The following METTL8 variants were observed in gnomAD, a reference collection of about 807,000 sequenced individuals.
METTL8 encodes the protein tRNA N(3)-cytidine methyltransferase METTL8, mitochondrial.
A neutral mutation model predicts 48.7 loss-of-function variants in METTL8; 32 were observed. That is an observed-to-expected ratio of 0.66 (90% CI 0.50 to 0.88). The LOEUF (loss-of-function observed/expected upper bound fraction) is 0.88. Among genes scored for constraint, METTL8 ranks in the 40% least tolerant of loss-of-function variants. The pLI, the probability that METTL8 is intolerant of heterozygous loss-of-function variation, is 0.00. For missense variants in METTL8, 464 were observed against 474.4 expected (o/e 0.98, Z 0.20); for synonymous variants, 136 against 157.1 (o/e 0.87, Z 1.01).
intron 1 of METTL8, among the ~76,000 whole-genome samples, chr2:171,422,024 A>C (rs1168511582): frequency 6.6e-6 from 1 of 152,230 alleles, no homozygotes; most frequent in African/African-American, 2.4e-5. Flanking sequence ...GGCAAAAAAG[A>C]AATAAGACAC....
upstream of METTL8, chr2:171,434,419 G>A (rs1311447088): frequency 5.4e-6 from 7 of 1,293,214 alleles, no homozygotes; most frequent in Non-Finnish European, 5.4e-6. Flanking sequence ...TCGCCCCGCC[G>A]TCGGGTGCTC....
In METTL8 at chr2:171,360,502, T is replaced by A. The variant is rs765214248; in HGVS notation, c.155A>T (p.Gln52Leu). The change falls in exon 3 of 10, where the codon CAG (glutamine) becomes CTG (leucine). Residue 52 changes from glutamine to leucine, a missense_variant. Physicochemically the swap from Gln to Leu is moderately radical, Grantham distance 113 (BLOSUM62 -2). Transcript: ENST00000375258. ...TGCTGCTTCTTCTTCCTTAGACCAC[T>A]GCATGTGATCCCTATTAAAAAAAAA... is the stretch of plus-strand genomic sequence containing the variant. ...VFEHNMWDHM[Q>L]WSKEEEAAAR... 2.5e-6 allele frequency: 4 copies of A among 1,613,376 alleles called. No individual in the cohort carries two copies. In the Admixed American group the frequency reaches 6.7e-5, roughly 27 times the overall value.
At chr2:171,425,542 C>T (rs1692318552) in intron 1 of METTL8, among the ~76,000 whole-genome samples, 1 of 152,200 alleles carries the variant, frequency 6.6e-6, no homozygotes, top group South Asian at 2.1e-4. Context: ...TGGGCAACGT[C>T]TCAGAGCTGA....
chr2:171,429,138 T>C (rs1692717780), intron 1 of METTL8, among the ~76,000 whole-genome samples: 1 of 152,018 alleles, frequency 6.6e-6, no homozygotes, highest in African/African-American at 2.4e-5. Flanking sequence ...AAAAAAAGAA[T>C]ATTAACAAAA....
rs928958406 is a variant in METTL8 at position 171,364,361 on chromosome 2, C to T, written c.144-3848G>A. Among the ~76,000 whole-genome samples the T allele has an allele frequency of 7.2e-5, 11 of 151,846 alleles. No homozygotes were observed. In the East Asian group the frequency reaches 7.7e-4, roughly 11 times the overall value. On this transcript the variant is annotated intron_variant, in intron 2 of 9. Coordinates refer to ENST00000375258, the MANE Select transcript of METTL8 (RefSeq NM_001321154.2). ...ACTTTACCCTTCTTGAGGAAAAAGC[C>T]ATCAACCCTTATAATAAGAAGGAAG...
At chr2:171,353,260 TC>T (rs1446761575) in intron 3 of METTL8, among the ~76,000 whole-genome samples, 2 of 152,246 alleles carry the variant, frequency 1.3e-5, no homozygotes, top group African/African-American at 4.8e-5. Flanking sequence ...TTGTGCAGTT[TC>T]CGTGTAGTTG....
chr2:171,326,070 A>T lies in METTL8; in HGVS notation c.939T>A (p.Tyr313Ter). 2 of 1,548,340 alleles carry T rather than the reference A, an allele frequency of 1.3e-6. No individual in the cohort carries two copies. The highest frequency in any genetic ancestry group is 1.7e-6 in the Non-Finnish European group (2 of 1,144,504). ...TTTTAAAACGAAGCTGAGTCTTATC[A>T]TATCTTCCATAGTCTCGAAATAACA... ...GMLLFRDYGR[Y>*]DKTQLRFKKG... The change falls in exon 8 of 10, where the codon TAT (tyrosine) becomes TAA (stop). Residue 313 changes from tyrosine to a stop codon, truncating the protein, a stop_gained. Coordinates refer to ENST00000375258, the MANE Select transcript of METTL8 (RefSeq NM_001321154.2). LOFTEE classifies it high-confidence loss of function.
intron 1 of METTL8, among the ~76,000 whole-genome samples, chr2:171,425,275 T>G (rs954177120): frequency 1.3e-5 from 2 of 152,166 alleles, no homozygotes; most frequent in Admixed American, 1.3e-4. Flanking sequence ...AATTCAGTAA[T>G]TAAGTACCTA....
At chr2:171,414,180 G>A (rs1691042493) in intron 1 of METTL8, among the ~76,000 whole-genome samples, 1 of 152,150 alleles carries the variant, frequency 6.6e-6, no homozygotes, top group Non-Finnish European at 1.5e-5. Flanking sequence ...CCCTTTGAGA[G>A]GCCAAGGTGG....
chr2:171,357,521 GAAATT>G (rs1451818115), intron 3 of METTL8, among the ~76,000 whole-genome samples: 1 of 152,034 alleles, frequency 6.6e-6, no homozygotes, highest in Non-Finnish European at 1.5e-5. Flanking sequence ...ATTCTTAAAA[GAAATT>G]AAAAAGGACA....
chr2:171,382,104 TG>T (rs1434667796), intron 2 of METTL8, among the ~76,000 whole-genome samples: 5 of 152,112 alleles, frequency 3.3e-5, no homozygotes, highest in Non-Finnish European at 5.9e-5. Flanking sequence ...ACACTGTTGG[TG>T]GGCATGTAAA....
chr2:171,350,862 A>G (rs1683836618), intron 3 of METTL8, among the ~76,000 whole-genome samples: 1 of 152,208 alleles, frequency 6.6e-6, no homozygotes, highest in Non-Finnish European at 1.5e-5. Context: ...TCTGGATATT[A>G]GCCCTTTGTC....
upstream of METTL8, chr2:171,434,607 C>A (rs1182200717): frequency 1.3e-6 from 2 of 1,528,346 alleles, no homozygotes; most frequent in Non-Finnish European, 1.7e-6. Flanking sequence ...CCAACGTGTG[C>A]AGCCGGCTGA....
intron 1 of METTL8, among the ~76,000 whole-genome samples, chr2:171,418,332 C>G (rs958084148): frequency 5.3e-5 from 8 of 152,140 alleles, no homozygotes; most frequent in Admixed American, 1.3e-4. Flanking sequence ...TTGAGGTATA[C>G]TAGTCGGGGT....
intron 1 of METTL8, among the ~76,000 whole-genome samples, chr2:171,397,352 T>TAA (rs71013039): frequency 0.22 from 2,556 of 11,672 alleles, 886 homozygotes; most frequent in Non-Finnish European, 0.3. Flanking sequence ...ACCCTGTCTC[T>TAA]AAAAAAAAAA....
intron 3 of METTL8, among the ~76,000 whole-genome samples, chr2:171,355,825 T>C (rs543066580): frequency 4.6e-5 from 7 of 152,060 alleles, no homozygotes; most frequent in African/African-American, 1.4e-4. Flanking sequence ...AAAAGCGCAG[T>C]ATTAGGGAGG....
chr2:171,404,084 T>TG (rs1357192481), intron 1 of METTL8, among the ~76,000 whole-genome samples: 2 of 122,390 alleles, frequency 1.6e-5, no homozygotes, highest in Non-Finnish European at 1.7e-5. Flanking sequence ...TATATATATA[T>TG]ATATATATAT....
Position 171,316,217 on chromosome 2 carries a change from G to GCAGGA in METTL8, c.*7950_*7954dup, listed in dbSNP as rs1450638404. ...GTCAGCTTGCTTATCCAGGGAATGAGCAGGACTTAATTCTCATGCCGGCAT... is the reference window on the plus strand; with the variant it reads ...GTCAGCTTGCTTATCCAGGGAATGAGCAGGACAGGACTTAATTCTCATGCCGGCAT... On this transcript the variant is annotated 3_prime_UTR_variant, in exon 10 of 10. Coordinates refer to ENST00000375258, the MANE Select transcript of METTL8 (RefSeq NM_001321154.2). Among the ~76,000 whole-genome samples the GCAGGA allele has an allele frequency of 1.3e-5, 2 of 152,210 alleles. No individual in the cohort carries two copies. Among genetic ancestry groups the GCAGGA allele is most frequent in the East Asian group, 3.8e-4 (2 of 5,198 alleles).
chr2:171,414,192 C>T (rs1476617347), intron 1 of METTL8, among the ~76,000 whole-genome samples: 3 of 152,038 alleles, frequency 2.0e-5, no homozygotes, highest in South Asian at 2.1e-4. Flanking sequence ...CCAAGGTGGG[C>T]GGATCACCTG....
Sources: gnomAD v4.1 joint callset for allele counts (sites outside exome capture counted in the v4.1 genomes callset) on GRCh38, gnomAD v4.1.1 for gene constraint, MANE v1.5 for transcripts, NCBI Gene and HGNC (gene_info 2026-07-23, HGNC 2026-07-21) for gene names.